The following ADAM23 variants were observed in gnomAD, a reference collection of about 807,000 sequenced individuals.
ADAM23 encodes the protein ADAM metallopeptidase domain 23, also known as disintegrin and metalloproteinase domain-containing protein 23.
ADAM23 carries 33 observed loss-of-function variants against 120.1 expected under a neutral mutation model. The ratio of observed to expected loss-of-function variants is 0.27; its 90% CI spans 0.21 to 0.37. The LOEUF (loss-of-function observed/expected upper bound fraction) is 0.37. ADAM23 is among the 10% of genes least tolerant of loss of function. The pLI is 1.00. For missense variants in ADAM23, 862 were observed against 1,058.2 expected, an observed-to-expected ratio of 0.81 and a Z score of 2.57; for synonymous variants, 367 against 375.2, an observed-to-expected ratio of 0.98 and a Z score of 0.25.
At chr2:206,526,180 A>G (rs1282153855) in intron 3 of ADAM23, among the ~76,000 whole-genome samples, 1 of 146,424 alleles carries the variant, frequency 6.8e-6, no homozygotes, top group Admixed American at 6.8e-5. Context: ...ACACACACAC[A>G]GACACACACA....
At chr2:206,484,917 C>G (rs1412985284) in intron 3 of ADAM23, among the ~76,000 whole-genome samples, 1 of 152,068 alleles carries the variant, frequency 6.6e-6, no homozygotes, top group Non-Finnish European at 1.5e-5. Flanking sequence ...GGTCAGTTAC[C>G]CTGCACATGC....
intron 24 of ADAM23, 48 bp downstream of exon 24, chr2:206,596,210 A>C (rs764298751): frequency 7.1e-7 from 1 of 1,409,408 alleles, no homozygotes; most frequent in African/African-American, 1.4e-5. Context: ...ATTCGTTGAC[A>C]CTGTTCCAAT....
At chr2:206,547,287 A>G (rs574898146) in intron 6 of ADAM23, 142 bp from the exon 7 acceptor site, 2 of 571,054 alleles carry the variant, frequency 3.5e-6, no homozygotes, top group African/African-American at 3.8e-5. Context: ...TCAATAAGAC[A>G]TACTTTTCAC....
chr2:206,508,362 T>C (rs565171404), intron 3 of ADAM23, among the ~76,000 whole-genome samples: 3 of 152,150 alleles, frequency 2.0e-5, no homozygotes, highest in African/African-American at 7.2e-5. Context: ...TAACAGGTCT[T>C]AGAAAAGGCT....
At chr2:206,598,573 C>T (rs911021178) in intron 24 of ADAM23, among the ~76,000 whole-genome samples, 2 of 151,922 alleles carry the variant, frequency 1.3e-5, no homozygotes, top group Admixed American at 6.6e-5. Flanking sequence ...TTTGAAAATA[C>T]GGAAAATATT....
chr2:206,519,073 T>C (rs1316393152), intron 3 of ADAM23, among the ~76,000 whole-genome samples: 1 of 152,162 alleles, frequency 6.6e-6, no homozygotes, highest in Non-Finnish European at 1.5e-5. Flanking sequence ...TCTTGGTTTT[T>C]GTAAGGGAGA....
intron 2 of ADAM23, among the ~76,000 whole-genome samples, chr2:206,464,445 C>T (rs1397353984): frequency 6.6e-6 from 1 of 151,802 alleles, no homozygotes; most frequent in Non-Finnish European, 1.5e-5. Context: ...CGTGGTGGCA[C>T]GTGCCTGTAG....
intron 9 of ADAM23, among the ~76,000 whole-genome samples, chr2:206,553,398 T>C (rs1697574493): frequency 6.6e-6 from 1 of 152,146 alleles, no homozygotes; most frequent in Non-Finnish European, 1.5e-5. Context: ...ATTGCACCAC[T>C]GCACTCCAGC....
intron 8 of ADAM23, 147 bp downstream of exon 8, chr2:206,548,501 G>A: frequency 2.8e-6 from 2 of 703,524 alleles, no homozygotes; most frequent in Non-Finnish European, 4.6e-6. Flanking sequence ...AAAACCCTAT[G>A]ATTTGAGCCT....
At chr2:206,540,216 TACACACACACACACACACACACACACAC>T (rs71034461) in intron 4 of ADAM23, among the ~76,000 whole-genome samples, 2 of 131,870 alleles carry the variant, frequency 1.5e-5, no homozygotes, top group African/African-American at 6.0e-5. Flanking sequence ...CCCTTCACTG[TACACACACACACACACACACACACACAC>T]ACACACACAC....
intron 7 of ADAM23, among the ~76,000 whole-genome samples, 195 bp from the exon 8 acceptor site, chr2:206,548,085 CT>C (rs2105811902): frequency 6.6e-6 from 1 of 152,118 alleles, no homozygotes; most frequent in Non-Finnish European, 1.5e-5. Flanking sequence ...ATTATGTTTT[CT>C]TGATGTTTGG....
intron 3 of ADAM23, 50 bp from the exon 4 acceptor site, chr2:206,530,835 C>T: frequency 6.5e-7 from 1 of 1,544,188 alleles, no homozygotes; most frequent in Non-Finnish European, 8.9e-7. Context: ...TGTTTTTAAA[C>T]CTCCAAGTGT....
chr2:206,536,395 A>G (rs1025506787), intron 4 of ADAM23, among the ~76,000 whole-genome samples: 1 of 132,830 alleles, frequency 7.5e-6, no homozygotes, highest in African/African-American at 2.9e-5. Flanking sequence ...TTTTGCACCA[A>G]CCTTATAGAA....
At chr2:206,482,662 C>T (rs1695921174) in intron 3 of ADAM23, among the ~76,000 whole-genome samples, 1 of 152,122 alleles carries the variant, frequency 6.6e-6, no homozygotes, top group African/African-American at 2.4e-5. Context: ...GGTTGAGCAC[C>T]TATTATGAGC....
At chr2:206,575,587 CCAATAGAGTACACTTGG>C (rs1294718346) in intron 18 of ADAM23, among the ~76,000 whole-genome samples, 1 of 152,042 alleles carries the variant, frequency 6.6e-6, no homozygotes, top group African/African-American at 2.4e-5. Context: ...CAAGAGGCTC[CCAATAGAGTACACTTGG>C]CAGTCAAAAT....
chr2:206,580,664 C>T (rs919532386), intron 18 of ADAM23, among the ~76,000 whole-genome samples: 11 of 152,042 alleles, frequency 7.2e-5, no homozygotes, highest in East Asian at 1.9e-4. Context: ...TCAAGGATAT[C>T]GGTGTGTAGT....
intron 18 of ADAM23, among the ~76,000 whole-genome samples, chr2:206,582,347 A>G (rs1490802962): frequency 1.3e-5 from 2 of 152,170 alleles, no homozygotes; most frequent in African/African-American, 4.8e-5. Flanking sequence ...TTTGTCTGAT[A>G]TAAGAATAGC....
intron 25 of ADAM23, among the ~76,000 whole-genome samples, chr2:206,612,701 C>G (rs1442987761): frequency 6.6e-6 from 1 of 152,188 alleles, no homozygotes; most frequent in Non-Finnish European, 1.5e-5. Context: ...CAGCTATGCT[C>G]TAAGCCCTGA....
At chr2:206,592,770 C>T (rs1162134135) in intron 22 of ADAM23, 34 bp downstream of exon 22, 8 of 1,566,106 alleles carry the variant, frequency 5.1e-6, no homozygotes, top group Non-Finnish European at 6.9e-6. Flanking sequence ...CCTAATAAGC[C>T]ATGAGAATTA....
Sources: allele counts gnomAD v4.1 joint callset (sites outside exome capture counted in the v4.1 genomes callset), GRCh38; gene constraint gnomAD v4.1.1; transcripts MANE v1.5; gene names NCBI Gene and HGNC (gene_info 2026-07-23, HGNC 2026-07-21).